The following PCBP2 variants were observed in gnomAD, a reference collection of about 807,000 sequenced individuals.
The protein encoded by PCBP2 is poly(rC)-binding protein 2.
In PCBP2, 4 loss-of-function variants were observed where a neutral mutation model predicts 50.1. That is an observed-to-expected ratio of 0.08 (90% CI 0.04 to 0.18). The LOEUF (loss-of-function observed/expected upper bound fraction) is 0.18. Among genes scored for constraint, PCBP2 ranks in the 10% least tolerant of loss-of-function variants. The pLI, the probability that PCBP2 is intolerant of heterozygous loss-of-function variation, is 1.00. For missense variants in PCBP2, 161 were observed against 474.3 expected, an observed-to-expected ratio of 0.34 and a Z score of 6.14; for synonymous variants, 179 against 168.0, an observed-to-expected ratio of 1.07 and a Z score of -0.51.
At chr12:53,454,696 CCT>C in intron 1 of PCBP2, 28 bp from the exon 2 acceptor site, 2 of 767,106 alleles carry the variant, frequency 2.6e-6, no homozygotes, top group South Asian at 1.5e-5. Flanking sequence ...TTGTTTTCCT[CCT>C]CTGATTTTGG....
chr12:53,475,142 C>A (rs1235880718), intron 14 of PCBP2: 5 of 455,918 alleles, frequency 1.1e-5, no homozygotes, highest in Non-Finnish European at 2.2e-5. Context: ...CTTCAGCTAC[C>A]ACCACCACCA....
At chr12:53,465,640 A>G (rs1941763120) in intron 9 of PCBP2, among the ~76,000 whole-genome samples, 1 of 152,144 alleles carries the variant, frequency 6.6e-6, no homozygotes, top group Non-Finnish European at 1.5e-5. Flanking sequence ...AGGCATTGCT[A>G]ATCTCACTTC....
intron 13 of PCBP2, among the ~76,000 whole-genome samples, chr12:53,469,615 A>G (rs1445642687): frequency 6.6e-6 from 1 of 152,086 alleles, no homozygotes; most frequent in African/African-American, 2.4e-5. Flanking sequence ...AATCCCAGCT[A>G]TTTGGGAGGC....
intron 9 of PCBP2, 128 bp downstream of exon 9, chr12:53,464,980 T>G: frequency 8.3e-7 from 1 of 1,197,836 alleles, no homozygotes; most frequent in Non-Finnish European, 1.1e-6. Context: ...CACGGGGACC[T>G]GGACTGACCC....
chr12:53,478,868 A>G (rs1942848727), intron 14 of PCBP2, among the ~76,000 whole-genome samples: 1 of 148,670 alleles, frequency 6.7e-6, no homozygotes, highest in Non-Finnish European at 1.5e-5. Context: ...ATCTCTTTTT[A>G]ACATTTTTTT....
chr12:53,454,764 A>C lies in PCBP2; in HGVS notation c.-37A>C. ...CCCCCAACCAGTGACCAAAGACTTG[A>C]CCACTCAAAGTCCAGCTCCCCAGAA... On this transcript the variant is annotated 5_prime_UTR_variant, in exon 2 of 15. Coordinates refer to ENST00000546463, the MANE Select transcript of PCBP2 (RefSeq NM_031989.5). 1 of 1,583,780 alleles carries C rather than the reference A, an allele frequency of 6.3e-7. No homozygotes were observed. The highest frequency in any genetic ancestry group is 8.7e-7 in the Non-Finnish European group (1 of 1,152,464).
In PCBP2 at chr12:53,468,917, C is replaced by CTTTTTTTTTTTTTTTTTTTTTT. The variant is rs5798266; in HGVS notation, c.882+104_882+105insTTTTTTTTTTTTTTTTTTTTTT. 13 of 574,550 alleles carry CTTTTTTTTTTTTTTTTTTTTTT rather than the reference C, an allele frequency of 2.3e-5. No homozygotes were observed. In the African/African-American group the frequency reaches 2.6e-4, roughly 12 times the overall value. 35.6% of individuals were successfully genotyped at this position (574,550 alleles called of 1,614,324 possible). A position where few individuals can be genotyped will look rare whatever the true frequency, so the allele number is the denominator to read the frequency against. ...GTCGTTTCAGCAGTGTCCTGCTACCCTTTTTTTTTTTTTTTTTTTAAACAG... is the reference window on the plus strand; with the variant it reads ...GTCGTTTCAGCAGTGTCCTGCTACCCTTTTTTTTTTTTTTTTTTTTTTTTTTTTTTTTTTTTTTTTTAAACAG... On this transcript the variant is annotated intron_variant, in intron 13 of 14. Coordinates refer to ENST00000546463, the MANE Select transcript of PCBP2 (RefSeq NM_031989.5).
In PCBP2 at chr12:53,452,155, C is replaced by CCCGCCCGCCCT. The variant is rs886754270; in HGVS notation, c.-286_-276dup. On this transcript the variant is annotated 5_prime_UTR_variant, in exon 1 of 15. Coordinates refer to ENST00000546463, the MANE Select transcript of PCBP2 (RefSeq NM_031989.5). ...CAGCCGCAGCCTGCGCCCTCTCCCG[C>CCCGCCCGCCCT]CCGCCCGCCCTCCGCCCGCCCGCCC... The CCCGCCCGCCCT allele has an allele frequency of 2.3e-5, 3 of 131,188 alleles. No homozygotes were observed. Among genetic ancestry groups the CCCGCCCGCCCT allele is most frequent in the South Asian group, 3.1e-4 (1 of 3,216 alleles). The allele number at this position is 131,188 out of a possible 1,614,324, so 8.1% of individuals were successfully genotyped here. A position where few individuals can be genotyped will look rare whatever the true frequency, so the allele number is the denominator to read the frequency against.
At chr12:53,456,224 T>G (rs976698284) in intron 5 of PCBP2, among the ~76,000 whole-genome samples, 3 of 152,042 alleles carry the variant, frequency 2.0e-5, no homozygotes, top group Admixed American at 6.6e-5. Flanking sequence ...CCCAGCACTT[T>G]TGGGAGGCTG....
intron 6 of PCBP2, chr12:53,460,758 G>T: frequency 3.0e-6 from 1 of 337,202 alleles, no homozygotes; most frequent in Non-Finnish European, 5.6e-6. Context: ...TATTTAGAAG[G>T]ACCTTTTGCT....
intron 14 of PCBP2, among the ~76,000 whole-genome samples, chr12:53,474,456 G>T (rs1341292488): frequency 6.6e-6 from 1 of 152,146 alleles, no homozygotes; most frequent in Non-Finnish European, 1.5e-5. Flanking sequence ...AGTAATTGTG[G>T]GATAATTGAT....
intron 14 of PCBP2, chr12:53,476,119 G>C (rs144072107): frequency 6.6e-6 from 1 of 152,152 alleles, no homozygotes; most frequent in Non-Finnish European, 1.5e-5. Context: ...CAGCCAACCC[G>C]TGACATTATC....
At chr12:53,469,334 A>G (rs1053514543) in intron 13 of PCBP2, among the ~76,000 whole-genome samples, 1 of 152,242 alleles carries the variant, frequency 6.6e-6, no homozygotes, top group Non-Finnish European at 1.5e-5. Flanking sequence ...TAAGTTGATT[A>G]TAATATACAG....
chr12:53,453,060 A>T (rs1329509373), intron 1 of PCBP2: 3 of 152,140 alleles, frequency 2.0e-5, no homozygotes, highest in Admixed American at 2.0e-4. Context: ...CAGCAGTGTT[A>T]GCAGCTGGAT....
At chr12:53,470,378 CA>C (rs754350790) in intron 13 of PCBP2, among the ~76,000 whole-genome samples, 239 of 47,366 alleles carry the variant, frequency 5.0e-3, no homozygotes, top group African/African-American at 0.023. Flanking sequence ...CTCCGTCTCT[CA>C]AAAAAAAAAA....
intron 11 of PCBP2, chr12:53,467,533 G>T: frequency 1.6e-6 from 1 of 617,932 alleles, no homozygotes; most frequent in Non-Finnish European, 2.9e-6. Context: ...GTGAGGTTTG[G>T]GGATGCTTGT....
intron 14 of PCBP2, among the ~76,000 whole-genome samples, chr12:53,476,862 C>T (rs971914771): frequency 6.6e-6 from 1 of 152,158 alleles, no homozygotes; most frequent in Non-Finnish European, 1.5e-5. Flanking sequence ...CTTGCTCCTC[C>T]TGTAGTTAGG....
At chr12:53,453,963 T>A (rs1940789184) in intron 1 of PCBP2, among the ~76,000 whole-genome samples, 1 of 152,162 alleles carries the variant, frequency 6.6e-6, no homozygotes, top group Non-Finnish European at 1.5e-5. Flanking sequence ...GGAAGGAAAT[T>A]TAAGATTTAA....
intron 14 of PCBP2, among the ~76,000 whole-genome samples, chr12:53,474,612 A>G (rs1048628491): frequency 2.0e-5 from 3 of 152,140 alleles, no homozygotes; most frequent in African/African-American, 2.4e-5. Context: ...TATGTGCCCT[A>G]TGATTTCTTT....
Sources: gnomAD v4.1 joint callset for allele counts (sites outside exome capture counted in the v4.1 genomes callset) on GRCh38, gnomAD v4.1.1 for gene constraint, MANE v1.5 for transcripts, NCBI Gene and HGNC (gene_info 2026-07-23, HGNC 2026-07-21) for gene names.